Variants in POPDC2 observed in about 807,000 individuals in gnomAD.
POPDC2 encodes popeye domain cAMP effector 2, also known as popeye domain-containing protein 2.
Under a neutral mutation model 30.5 loss-of-function variants are expected in POPDC2, and 24 were observed. The observed-to-expected ratio is 0.79, with a 90% CI of 0.57 to 1.11. The LOEUF (loss-of-function observed/expected upper bound fraction) is 1.11. Ranked by LOEUF, POPDC2 falls within the 50% of genes least tolerant of loss-of-function variation. POPDC2 has a pLI of 0.00. For missense variants in POPDC2, 409 were observed against 447.0 expected, an observed-to-expected ratio of 0.91 and a Z score of 0.77; for synonymous variants, 185 against 183.3, an observed-to-expected ratio of 1.01 and a Z score of -0.07.
upstream of POPDC2, chr3:119,660,619 A>C: frequency 3.7e-6 from 2 of 545,506 alleles, no homozygotes; most frequent in Non-Finnish European, 3.1e-6. Context: ...GGAGAATTTA[A>C]AAACCTCTTT....
At chr3:119,651,791 A>T (rs1349439426) in intron 2 of POPDC2, among the ~76,000 whole-genome samples, 1 of 151,848 alleles carries the variant, frequency 6.6e-6, no homozygotes, top group Non-Finnish European at 1.5e-5. Context: ...ACCTGCCACC[A>T]CCCTGGCTAA....
At position 119,659,941 on chromosome 3, in the gene POPDC2, G is replaced by A. The variant is rs1335591380; in HGVS notation, c.483C>T (p.Leu161=). The A allele has an allele frequency of 6.3e-7, 1 of 1,589,146 alleles. No homozygotes were observed. Residue 161 remains leucine, a synonymous_variant, in exon 1 of 4, where the codon CTC becomes CTT. Transcript: ENST00000493094. ...TGGATAGAGTAGCTTACCGGCCAGAGAGCAGCAGGGACAGGCGGTTGATGG... is the reference window on the plus strand; with the variant it reads ...TGGATAGAGTAGCTTACCGGCCAGAAAGCAGCAGGGACAGGCGGTTGATGG... ...ETPINRLSLL[L]SGRVRVSQDG... is the part of the protein sequence containing the mutation.
At chr3:119,651,038 CT>C (rs1464948473) in intron 2 of POPDC2, among the ~76,000 whole-genome samples, 3 of 152,170 alleles carry the variant, frequency 2.0e-5, no homozygotes, top group African/African-American at 7.2e-5. Flanking sequence ...TTAGAAAATC[CT>C]TTTGGCTGTA....
chr3:119,660,075 G>A lies in POPDC2; in HGVS notation c.349C>T (p.Leu117=), dbSNP rs1383696666. The A allele has an allele frequency of 1.2e-6, 2 of 1,614,232 alleles. No individual in the cohort carries two copies. The highest frequency in any genetic ancestry group is 2.2e-5 in the South Asian group (2 of 91,078). Residue 117 remains leucine (L), a synonymous_variant, in exon 1 of 4, where the codon CTG becomes TTG. Transcript: ENST00000493094. The part of the protein sequence containing the change: ...EFDLLYKTLC[L]PLQVPLQTYK... ...GTCTGTAGGGGCACCTGCAAGGGCA[G>A]GCACAGCGTCTTGTAGAGGAGGTCA...
At chr3:119,659,830 G>C in intron 1 of POPDC2, 103 bp downstream of exon 1, 1 of 1,375,714 alleles carries the variant, frequency 7.3e-7, no homozygotes, top group South Asian at 1.6e-5. Flanking sequence ...TCAATGGAAG[G>C]GGACACGAAA....
In POPDC2 at chr3:119,660,534, T is replaced by C. The variant is rs2052931559; in HGVS notation, c.-111A>G. 1 of 1,244,396 alleles carries C rather than the reference T, an allele frequency of 8.0e-7. No individual in the cohort carries two copies. Among genetic ancestry groups the C allele is most frequent in the Non-Finnish European group, 1.1e-6 (1 of 919,454 alleles). 77.1% of individuals were successfully genotyped at this position (1,244,396 alleles called of 1,614,324 possible). On this transcript the variant is annotated 5_prime_UTR_variant, in exon 1 of 4. Transcript: ENST00000493094. Reference sequence around the variant, plus strand: ...GGTCTTCTCACCTCCGGCTTCTCACTACCGACTCCACCTTTCCTAGAAGGA... The same window carrying C: ...GGTCTTCTCACCTCCGGCTTCTCACCACCGACTCCACCTTTCCTAGAAGGA...
intron 2 of POPDC2, among the ~76,000 whole-genome samples, chr3:119,649,770 C>A (rs187000721): frequency 6.6e-6 from 1 of 152,106 alleles, no homozygotes; most frequent in African/African-American, 2.4e-5. Context: ...ATATATAATC[C>A]TTTTCATTCC....
At chr3:119,643,888 C>T (rs2052716706) in intron 3 of POPDC2, among the ~76,000 whole-genome samples, 1 of 152,204 alleles carries the variant, frequency 6.6e-6, no homozygotes, top group African/African-American at 2.4e-5. Context: ...TTATAACTTT[C>T]AGCCTATTCA....
chr3:119,651,362 G>GA (rs1377758828), intron 2 of POPDC2, among the ~76,000 whole-genome samples: 1 of 77,912 alleles, frequency 1.3e-5, no homozygotes, highest in Non-Finnish European at 3.3e-5. Context: ...CACTACTCTA[G>GA]GTTTTTTTTT....
Position 119,648,387 on chromosome 3 carries a change from C to T in POPDC2, c.882G>A (p.Val294=). 1 of 1,614,082 alleles carries T rather than the reference C, an allele frequency of 6.2e-7. No homozygotes were observed. Among genetic ancestry groups the T allele is most frequent in the East Asian group, 2.2e-5 (1 of 44,872 alleles). ...AGGTGGGTGTGGCCTGAGGAGGGGA[C>T]ACAGCTGGCTCACAGACTTCCTCAT... ...KGDEEVCEPA[V]SPPQATPTSL... Residue 294 remains valine, a synonymous_variant, in exon 3 of 4, where the codon GTG becomes GTA. Coordinates refer to ENST00000493094, the MANE Select transcript of POPDC2 (RefSeq NM_001369919.2).
intron 1 of POPDC2, among the ~76,000 whole-genome samples, chr3:119,658,307 A>C (rs918798675): frequency 6.6e-6 from 1 of 152,210 alleles, no homozygotes; most frequent in Non-Finnish European, 1.5e-5. Flanking sequence ...AAAAAAAATC[A>C]AAATTGTCTA....
chr3:119,648,273 G>C lies in POPDC2; in HGVS notation c.996C>G (p.Asp332Glu), dbSNP rs1334673679. The C allele has an allele frequency of 4.3e-6, 7 of 1,613,858 alleles. No individual in the cohort carries two copies. The highest frequency in any genetic ancestry group is 1.6e-4 in the Middle Eastern group (1 of 6,084). ...TGGAGTCCTCACCCAGTATGCCACT[G>C]TCTGGCCTGGACAACCTGGCCCGGG... The part of the protein sequence containing the change: ...PPTRARLSRP[D>E]SGILGEDSTS... Residue 332 changes from aspartate (D) to glutamate (E), a missense_variant, in exon 3 of 4, where the codon GAC (aspartate) becomes GAG (glutamate). Transcript: ENST00000493094.
At chr3:119,644,850 C>T (rs1205983961) in intron 3 of POPDC2, among the ~76,000 whole-genome samples, 1 of 152,118 alleles carries the variant, frequency 6.6e-6, no homozygotes, top group Admixed American at 6.5e-5. Flanking sequence ...AGGGAATATG[C>T]TTATTCATTA....
In POPDC2 at chr3:119,648,128, T is replaced by G; in HGVS notation, c.*34A>C. The G allele has an allele frequency of 2.0e-6, 3 of 1,471,070 alleles. No individual in the cohort carries two copies. The highest frequency in any genetic ancestry group is 2.7e-6 in the Non-Finnish European group (3 of 1,108,624). The allele number at this position is 1,471,070 out of a possible 1,614,324, so 91.1% of individuals were successfully genotyped here. ...CCTTCTGAGTACTTACATAGGATCC[T>G]GAGCCGGTGGCTGTGCCCATGTTAG... On this transcript the variant is annotated 3_prime_UTR_variant, in exon 3 of 4. Coordinates refer to ENST00000493094, the MANE Select transcript of POPDC2 (RefSeq NM_001369919.2).
In POPDC2 at chr3:119,660,478, T is replaced by C; in HGVS notation, c.-55A>G. The C allele has an allele frequency of 6.5e-7, 1 of 1,542,030 alleles. No homozygotes were observed. Among genetic ancestry groups the C allele is most frequent in the Non-Finnish European group, 8.7e-7 (1 of 1,143,894 alleles). Reference sequence around the variant, plus strand: ...TCTAATACTGTCCTCACATAGGAAATTCAGAAAATGAATGAATCCATCCGC... The same window carrying C: ...TCTAATACTGTCCTCACATAGGAAACTCAGAAAATGAATGAATCCATCCGC... On this transcript the variant is annotated 5_prime_UTR_variant, in exon 1 of 4. Coordinates refer to ENST00000493094, the MANE Select transcript of POPDC2 (RefSeq NM_001369919.2).
In POPDC2 at chr3:119,642,538, A is replaced by C; in HGVS notation, c.*67T>G. 6.2e-7 allele frequency: 1 copy of C among 1,612,670 alleles called. No homozygotes were observed. Among genetic ancestry groups the C allele is most frequent in the Non-Finnish European group, 8.5e-7 (1 of 1,178,688 alleles). ...TGTCCCCTGGATATAACTTGAGAGTAGCTCTGGAGAGGAATTCTAGAAGCT... is the reference window on the plus strand; with the variant it reads ...TGTCCCCTGGATATAACTTGAGAGTCGCTCTGGAGAGGAATTCTAGAAGCT... On this transcript the variant is annotated 3_prime_UTR_variant, in exon 4 of 4. Coordinates refer to ENST00000493094, the MANE Select transcript of POPDC2 (RefSeq NM_001369919.2).
chr3:119,656,246 A>G (rs1577172866), intron 1 of POPDC2, among the ~76,000 whole-genome samples: 1 of 152,220 alleles, frequency 6.6e-6, no homozygotes, highest in African/African-American at 2.4e-5. Flanking sequence ...GCTTAGGTGC[A>G]TGTCTTTCCT....
In POPDC2 at chr3:119,660,175, C is replaced by T. The variant is rs1245234277; in HGVS notation, c.249G>A (p.Leu83=). 1.9e-6 allele frequency: 3 copies of T among 1,614,216 alleles called. No homozygotes were observed. Among genetic ancestry groups the T allele is most frequent in the African/African-American group, 2.7e-5 (2 of 75,056 alleles). ...GCTGGAGCAGGCAGACCACAGCCAG[C>T]AGGAAGCTCCAAAGAACAATGTCCA... ...CGLDIVLWSF[L]LAVVCLLQLA... is the part of the protein sequence containing the mutation. The change falls in exon 1 of 4, where the codon CTG becomes CTA. Residue 83 remains leucine, a synonymous_variant. Transcript: ENST00000493094.
intron 2 of POPDC2, among the ~76,000 whole-genome samples, chr3:119,652,869 C>A (rs1428075511): frequency 2.6e-5 from 4 of 152,164 alleles, no homozygotes; most frequent in Non-Finnish European, 4.4e-5. Context: ...CAGAAGCAGG[C>A]CCTGCCAGGT....
Sources: gnomAD v4.1 joint callset for allele counts (sites outside exome capture counted in the v4.1 genomes callset) on GRCh38, gnomAD v4.1.1 for gene constraint, MANE v1.5 for transcripts, NCBI Gene and HGNC (gene_info 2026-07-23, HGNC 2026-07-21) for gene names.